The following DACH2 variants were observed in gnomAD, a reference collection of about 807,000 sequenced individuals.
DACH2 encodes dachshund family transcription factor 2.
In DACH2, 17 loss-of-function variants were observed where a neutral mutation model predicts 35.8. The observed-to-expected ratio is 0.48, with a 90% CI of 0.33 to 0.71. The LOEUF (loss-of-function observed/expected upper bound fraction) is 0.71, where lower values mean the gene tolerates loss of function less well. Ranked by LOEUF, DACH2 falls within the 30% of genes least tolerant of loss-of-function variation. The pLI, the probability that DACH2 is intolerant of heterozygous loss-of-function variation, is 0.02. For synonymous variants in DACH2, 195 were observed against 177.3 expected (o/e 1.10, Z -0.79); for missense variants, 469 against 472.7 (o/e 0.99, Z 0.07).
chrX:86,478,547 T>C (rs1401093872), intron 2 of DACH2, among the ~76,000 whole-genome samples: 94 of 107,212 alleles, frequency 8.8e-4, no homozygotes, highest in African/African-American at 3.1e-3. Context: ...TTTTTCTTTT[T>C]TTTTTTTTTT....
chrX:86,542,601 C>A (rs372619538), intron 3 of DACH2, among the ~76,000 whole-genome samples: 7 of 111,459 alleles, frequency 6.3e-5, no homozygotes, highest in African/African-American at 1.3e-4. Flanking sequence ...GCTAAATAAA[C>A]CTGTTTTCTT....
intron 1 of DACH2, among the ~76,000 whole-genome samples, chrX:86,364,129 T>C (rs774664784): frequency 2.7e-5 from 3 of 111,921 alleles, no homozygotes; most frequent in Non-Finnish European, 5.6e-5. Flanking sequence ...CTATTTTGCA[T>C]GGCATTGCTA....
At chrX:86,335,706 T>A (rs925438727) in intron 1 of DACH2, among the ~76,000 whole-genome samples, 1 of 111,948 alleles carries the variant, frequency 8.9e-6, no homozygotes, top group Non-Finnish European at 1.9e-5. Flanking sequence ...AGAGACAATT[T>A]GACTTCCTCT....
chrX:86,341,208 A>G (rs962048996), intron 1 of DACH2, among the ~76,000 whole-genome samples: 2 of 112,129 alleles, frequency 1.8e-5, no homozygotes, highest in Non-Finnish European at 3.8e-5. Context: ...AGTCAATGCC[A>G]GCCTTCAAAA....
chrX:86,409,256 A>T (rs1308644430), intron 2 of DACH2, among the ~76,000 whole-genome samples: 1 of 111,559 alleles, frequency 9.0e-6, no homozygotes, highest in Non-Finnish European at 1.9e-5. Context: ...GCAACTGTTT[A>T]AAAGACTACT....
At chrX:86,458,849 A>G (rs899645217) in intron 2 of DACH2, among the ~76,000 whole-genome samples, 2 of 110,873 alleles carry the variant, frequency 1.8e-5, no homozygotes, top group African/African-American at 6.6e-5. Context: ...GGAAGGGAAT[A>G]TCACATACTG....
At position 86,391,282 on chromosome X, in the gene DACH2, T is replaced by TAAAAAAAA. The variant is rs55941702; in HGVS notation, c.527+14453_527+14460dup. Among the ~76,000 whole-genome samples the TAAAAAAAA allele has an allele frequency of 4.2e-4, 9 of 21,432 alleles. 1 individual carries two copies. The highest frequency in any genetic ancestry group is 7.0e-4 in the Non-Finnish European group (9 of 12,822). The allele number at this position is 21,432 out of a possible 115,157, so 18.6% of individuals were successfully genotyped here. ...TGGGTGACAGAGTGAGGCTCTGTCT[T>TAAAAAAAA]AAAAAAAAAAAAAAAAAAAAAAAAA... On this transcript the variant is annotated intron_variant, in intron 2 of 11. Coordinates refer to ENST00000373125, the MANE Select transcript of DACH2 (RefSeq NM_053281.3).
intron 5 of DACH2, among the ~76,000 whole-genome samples, chrX:86,698,517 T>TTG (rs2041094909): frequency 2.7e-5 from 2 of 73,994 alleles, no homozygotes; most frequent in African/African-American, 9.8e-5. Context: ...TTTGTTAGTT[T>TTG]TGTGTTTTTT....
chrX:86,487,896 A>C (rs1408271295), intron 2 of DACH2, among the ~76,000 whole-genome samples: 4 of 111,856 alleles, frequency 3.6e-5, no homozygotes, highest in African/African-American at 1.3e-4. Flanking sequence ...TTTAGAGTCC[A>C]GCAGATGTGC....
intron 1 of DACH2, among the ~76,000 whole-genome samples, chrX:86,157,223 G>A (rs1264921699): frequency 1.8e-5 from 2 of 111,498 alleles, no homozygotes; most frequent in Non-Finnish European, 3.8e-5. Context: ...CAAATTGACT[G>A]TTTAATGGTG....
In DACH2 at chrX:86,148,880, A is replaced by G; in HGVS notation, c.260A>G (p.Glu87Gly). 8.3e-7 allele frequency: 1 copy of G among 1,211,358 alleles called. No homozygotes were observed. The highest frequency in any genetic ancestry group is 1.8e-5 in the South Asian group (1 of 56,920). Residue 87 changes from glutamate to glycine, a missense_variant, in exon 1 of 12, where the codon GAA (glutamate) becomes GGA (glycine). Glu to Gly is a moderately conservative substitution (Grantham distance 98). This residue lies in a region of DACH2 where 99 missense variants were observed against 114.3 expected (regional missense o/e 0.87). Coordinates refer to ENST00000373125, the MANE Select transcript of DACH2 (RefSeq NM_053281.3). ...KVASFLMDGQ[E>G]LICLPQVFDL... ...GCTTCGTTCCTGATGGACGGCCAGGAACTGATCTGCCTGCCGCAAGTCTTT... is the reference window on the plus strand; with the variant it reads ...GCTTCGTTCCTGATGGACGGCCAGGGACTGATCTGCCTGCCGCAAGTCTTT...
chrX:86,202,615 T>TAACTGGC (rs199776011), intron 1 of DACH2, among the ~76,000 whole-genome samples: 7,518 of 110,991 alleles, frequency 0.068, 624 homozygotes, highest in African/African-American at 0.23. Flanking sequence ...TGGCTACGCT[T>TAACTGGC]AAGTTTTTAG....
At chrX:86,708,440 C>A (rs6623762) in intron 5 of DACH2, among the ~76,000 whole-genome samples, 2 of 111,229 alleles carry the variant, frequency 1.8e-5, no homozygotes, top group African/African-American at 6.5e-5. Context: ...AGTAAGGTTG[C>A]AGGATACAAA....
At chrX:86,325,176 C>A (rs1047870981) in intron 1 of DACH2, among the ~76,000 whole-genome samples, 1 of 111,279 alleles carries the variant, frequency 9.0e-6, no homozygotes, top group East Asian at 2.8e-4. Flanking sequence ...TCTCCAAACC[C>A]GTATTTCAGG....
chrX:86,152,048 G>C (rs1290342513), intron 1 of DACH2, among the ~76,000 whole-genome samples: 2 of 111,810 alleles, frequency 1.8e-5, no homozygotes, highest in Non-Finnish European at 3.8e-5. Flanking sequence ...GCTAAGAGCA[G>C]GGAGGGAAGT....
intron 6 of DACH2, among the ~76,000 whole-genome samples, chrX:86,722,271 C>T (rs1021396027): frequency 9.0e-6 from 1 of 111,460 alleles, no homozygotes; most frequent in African/African-American, 3.3e-5. Flanking sequence ...TTTTTAAACG[C>T]ATTTTCTGCA....
intron 1 of DACH2, among the ~76,000 whole-genome samples, chrX:86,343,483 A>G (rs567332261): frequency 1.3e-4 from 14 of 111,746 alleles, no homozygotes; most frequent in African/African-American, 4.5e-4. Flanking sequence ...GAGAAATTAC[A>G]TGCATAGAGT....
rs1491456126 is a variant in DACH2 at position 86,610,418 on chromosome X, T to TTTCTTTCTTTC, written c.641-40616_641-40615insCTTTCTTTCTT. Among the ~76,000 whole-genome samples, 247 of 62,115 alleles carry TTTCTTTCTTTC rather than the reference T, an allele frequency of 4.0e-3. 2 individuals carry two copies. The highest frequency in any genetic ancestry group is 0.016 in the South Asian group (19 of 1,206). The allele number at this position is 62,115 out of a possible 115,157, so 53.9% of individuals were successfully genotyped here. A position where few individuals can be genotyped will look rare whatever the true frequency, so the allele number is the denominator to read the frequency against. ...CTTTCTTTCTTTCTTTCTTTCTTTC[T>TTTCTTTCTTTC]TTTCTTTCTTTCTTTCTTTCTTTCT... is the stretch of plus-strand genomic sequence containing the variant. On this transcript the variant is annotated intron_variant, in intron 3 of 11. Transcript: ENST00000373125.
At position 86,354,004 on chromosome X, in the gene DACH2, C is replaced by T. The variant is rs190967099; in HGVS notation, c.489-22820C>T. The stretch of plus-strand genomic sequence containing the variant: ...TTGGTTCCATTCTCCACATCACTTT[C>T]AGGTACACCAATCAGACGTGTCTCA... On this transcript the variant is annotated intron_variant, in intron 1 of 11. Coordinates refer to ENST00000373125, the MANE Select transcript of DACH2 (RefSeq NM_053281.3). 2.6e-3 allele frequency among the ~76,000 whole-genome samples: 113 copies of T among 43,068 alleles called. 38 individuals carry two copies. The highest frequency in any genetic ancestry group is 0.014 in the African/African-American group (109 of 7,843). The allele number at this position is 43,068 out of a possible 115,157, so 37.4% of individuals were successfully genotyped here. A position where few individuals can be genotyped will look rare whatever the true frequency, so the allele number is the denominator to read the frequency against.
Sources: gnomAD v4.1 joint callset for allele counts (sites outside exome capture counted in the v4.1 genomes callset) on GRCh38, gnomAD v4.1.1 for gene constraint, gnomAD v4.1.1 regional missense constraint, MANE v1.5 for transcripts, NCBI Gene and HGNC (gene_info 2026-07-23, HGNC 2026-07-21) for gene names.